PDE1C: variants seen among roughly 807,000 people sequenced by gnomAD.
PDE1C encodes phosphodiesterase 1C.
In PDE1C, 62 loss-of-function variants were observed where a neutral mutation model predicts 93.1. The observed-to-expected ratio is 0.67, with a 90% CI of 0.54 to 0.82. The LOEUF (loss-of-function observed/expected upper bound fraction) is 0.82. Among genes scored for constraint, PDE1C ranks in the 40% least tolerant of loss-of-function variants. PDE1C has a pLI of 0.00. For synonymous variants in PDE1C, 325 were observed against 310.1 expected (o/e 1.05, Z -0.50); for missense variants, 742 against 884.6 (o/e 0.84, Z 2.04).
intron 2 of PDE1C, among the ~76,000 whole-genome samples, chr7:31,929,776 G>A (rs1333846874): frequency 4.6e-5 from 7 of 152,198 alleles, no homozygotes; most frequent in South Asian, 2.1e-4. Flanking sequence ...TCTGGCACAC[G>A]GCTAAAGCAA....
intron 4 of PDE1C, 84 bp downstream of exon 4, chr7:31,878,912 T>C (rs1796923093): frequency 1.5e-6 from 2 of 1,349,040 alleles, no homozygotes; most frequent in Non-Finnish European, 2.1e-6. Flanking sequence ...ATAGGAAAAC[T>C]ACATTAAAGC....
intron 7 of PDE1C, among the ~76,000 whole-genome samples, chr7:31,853,631 C>G (rs1463055769): frequency 6.6e-6 from 1 of 152,154 alleles, no homozygotes; most frequent in Non-Finnish European, 1.5e-5. Flanking sequence ...ATGCCATCAG[C>G]TCCCCACTTC....
chr7:32,246,468 C>CGAACACCAGACACTGCCACAGA (rs1489449931), intron 1 of PDE1C, among the ~76,000 whole-genome samples: 1 of 152,104 alleles, frequency 6.6e-6, no homozygotes, highest in African/African-American at 2.4e-5. Flanking sequence ...ACTGCCACAG[C>CGAACACCAGACACTGCCACAGA]GAACACAGCC....
intron 11 of PDE1C, among the ~76,000 whole-genome samples, chr7:31,836,761 G>A (rs549609187): frequency 1.2e-4 from 19 of 152,128 alleles, no homozygotes; most frequent in Non-Finnish European, 2.1e-4. Context: ...GGAATTTTGC[G>A]TCTTGGACTT....
chr7:31,743,556 A>AGTGTGT, the PDE1C span, among the ~76,000 whole-genome samples: 2 of 147,928 alleles, frequency 1.4e-5, no homozygotes, highest in African/African-American at 5.0e-5. Flanking sequence ...TGGAGGATGC[A>AGTGTGT]GTGTGTGTGT....
chr7:31,873,283 G>A lies in PDE1C; in HGVS notation c.609+9C>T. 1 of 1,509,814 alleles carries A rather than the reference G, an allele frequency of 6.6e-7. No individual in the cohort carries two copies. Among genetic ancestry groups the A allele is most frequent in the South Asian group, 1.1e-5 (1 of 87,634 alleles). The allele number at this position is 1,509,814 out of a possible 1,614,324, so 93.5% of individuals were successfully genotyped here. On this transcript the variant is annotated intron_variant, in intron 6 of 17. Transcript: ENST00000396191. Reference sequence around the variant, plus strand: ...TTTATTTATTTTTTCTTTTTAAAGAGGTACTGACCTTGAAACGGCTGATCA... The same window carrying A: ...TTTATTTATTTTTTCTTTTTAAAGAAGTACTGACCTTGAAACGGCTGATCA...
chr7:32,073,999 C>T (rs561848718), upstream of PDE1C, among the ~76,000 whole-genome samples: 3 of 151,762 alleles, frequency 2.0e-5, no homozygotes, highest in Non-Finnish European at 4.4e-5. Flanking sequence ...GACATGCATA[C>T]ATACATACAT....
intron 4 of PDE1C, among the ~76,000 whole-genome samples, chr7:31,878,471 C>G (rs538341052): frequency 6.6e-6 from 1 of 152,070 alleles, no homozygotes; most frequent in Non-Finnish European, 1.5e-5. Context: ...TTAAACTTAC[C>G]GTGGTGTTTC....
At chr7:32,163,631 T>G (rs1014423395) in intron 3 of PDE1C, among the ~76,000 whole-genome samples, 2 of 152,146 alleles carry the variant, frequency 1.3e-5, no homozygotes, top group African/African-American at 4.8e-5. Flanking sequence ...CACATGATTC[T>G]TCCAAGTGCA....
At chr7:32,254,783 G>A (rs868865028) in intron 1 of PDE1C, among the ~76,000 whole-genome samples, 7 of 151,956 alleles carry the variant, frequency 4.6e-5, no homozygotes, top group Non-Finnish European at 1.0e-4. Flanking sequence ...TGCTACCAAG[G>A]AGTTATACTC....
the PDE1C span, among the ~76,000 whole-genome samples, chr7:31,689,871 T>C: frequency 6.6e-6 from 1 of 152,168 alleles, no homozygotes; most frequent in African/African-American, 2.4e-5. Flanking sequence ...AAATCCCAGA[T>C]CTGGAAATTG....
intron 1 of PDE1C, among the ~76,000 whole-genome samples, chr7:32,234,275 G>A (rs936927263): frequency 4.6e-5 from 7 of 151,780 alleles, no homozygotes; most frequent in Non-Finnish European, 7.4e-5. Context: ...AGAACCCAAC[G>A]AAATATTTAA....
the PDE1C span, chr7:31,643,202 A>G: frequency 5.2e-5 from 84 of 1,613,872 alleles, no homozygotes; most frequent in Admixed American, 1.0e-4. Flanking sequence ...AAGTTCCTTC[A>G]TGTTGACTCT....
chr7:32,173,358 T>C (rs1421971547), intron 2 of PDE1C, among the ~76,000 whole-genome samples: 4 of 151,910 alleles, frequency 2.6e-5, no homozygotes, highest in African/African-American at 4.8e-5. Flanking sequence ...CCAGAGCCTG[T>C]TGAGGGGTGG....
chr7:31,705,681 T>C, the PDE1C span, among the ~76,000 whole-genome samples: 97 of 152,304 alleles, frequency 6.4e-4, 2 homozygotes, highest in South Asian at 0.019. Flanking sequence ...GAAAGGCCTC[T>C]TGTGGTGCAC....
chr7:31,841,443 C>G (rs1453055954), intron 9 of PDE1C, among the ~76,000 whole-genome samples: 1 of 151,928 alleles, frequency 6.6e-6, no homozygotes, highest in African/African-American at 2.4e-5. Context: ...TTGTCTTACT[C>G]CCAGTCTTAA....
At chr7:31,908,193 T>A (rs1583905195) in intron 2 of PDE1C, among the ~76,000 whole-genome samples, 1 of 152,088 alleles carries the variant, frequency 6.6e-6, no homozygotes, top group Non-Finnish European at 1.5e-5. Context: ...ATTAGTAATA[T>A]GTCATTAGTA....
At chr7:32,346,764 C>T (rs183656384) in intron 1 of PDE1C, among the ~76,000 whole-genome samples, 5 of 152,294 alleles carry the variant, frequency 3.3e-5, no homozygotes, top group Admixed American at 3.3e-4. Context: ...GAGGAACAAA[C>T]TAATGATACA....
the PDE1C span, among the ~76,000 whole-genome samples, chr7:31,722,255 A>T: frequency 6.6e-6 from 1 of 152,012 alleles, no homozygotes; most frequent in Admixed American, 6.6e-5. Context: ...CCTTGCTCCC[A>T]CTTCATGCTC....
Sources: allele counts gnomAD v4.1 joint callset (sites outside exome capture counted in the v4.1 genomes callset), GRCh38; gene constraint gnomAD v4.1.1; transcripts MANE v1.5; gene names NCBI Gene and HGNC (gene_info 2026-07-23, HGNC 2026-07-21).